The following ARHGAP35 variants were observed in gnomAD, a reference collection of about 807,000 sequenced individuals.
ARHGAP35 encodes rho GTPase-activating protein 35.
ARHGAP35 carries 15 observed loss-of-function variants against 111.1 expected under a neutral mutation model. The ratio of observed to expected loss-of-function variants is 0.13; its 90% CI spans 0.09 to 0.21. The LOEUF is 0.21. Ranked by LOEUF, ARHGAP35 falls within the 10% of genes least tolerant of loss-of-function variation. ARHGAP35 has a pLI of 1.00. For missense variants in ARHGAP35, 1,262 were observed against 1,873.0 expected (o/e 0.67, Z 6.02); for synonymous variants, 643 against 710.3 (o/e 0.91, Z 1.51).
rs1468479911 is a variant in ARHGAP35, at chr19:46,919,709, C to T, written c.1034C>T (p.Pro345Leu). The change falls in exon 2 of 7, where the codon CCA (proline) becomes CTA (leucine). Residue 345 changes from proline to leucine, a missense_variant. By Grantham distance (98) the Pro-to-Leu change is moderately conservative. Around this residue, in one of 8 missense-constraint regions of ARHGAP35, gnomAD observed 328 missense variants for 440.8 expected, o/e 0.74. Coordinates refer to ENST00000672722, the MANE Select transcript of ARHGAP35 (RefSeq NM_004491.5). This position sits in a 1 kb window ranked among gnomAD's most constrained non-coding sequence, Gnocchi z 6.2. ...AGAAAGCTGTACCTGGCAGCCCTGC[C>T]ATTAGCTTTTGAAGCTCTTATACCT... ...RRRKLYLAAL[P>L]LAFEALIPNL... The T allele has an allele frequency of 5.0e-6, 8 of 1,613,910 alleles. No individual in the cohort carries two copies. In the African/African-American group the frequency reaches 1.1e-4, roughly 22 times the overall value.
chr19:46,932,701 T>C (rs1440805713), intron 2 of ARHGAP35, among the ~76,000 whole-genome samples: 2 of 152,200 alleles, frequency 1.3e-5, no homozygotes, highest in African/African-American at 4.8e-5. Flanking sequence ...CTAGAGAGCC[T>C]TCAGTTATCT....
Position 47,000,626 on chromosome 19 carries a change from AC to A in ARHGAP35, c.4444del (p.Gln1482SerfsTer317). The A allele has an allele frequency of 1.3e-6, 2 of 1,534,364 alleles. No homozygotes were observed. The highest frequency in any genetic ancestry group is 1.2e-5 in the South Asian group (1 of 86,260). ...GTCGCCCCCACAGTCGCCTCCACCC[AC>A]CCCCCAGTCCCCAATGCAGCCACTG... ...QPSPPQSPPP[T>X]PQSPMQPLLP... On this transcript the variant is annotated frameshift_variant, in exon 7 of 7. Coordinates refer to ENST00000672722, the MANE Select transcript of ARHGAP35 (RefSeq NM_004491.5). LOFTEE classifies it high-confidence loss of function. This position sits in a 1 kb window ranked among gnomAD's most constrained non-coding sequence, Gnocchi z 6.9.
intron 3 of ARHGAP35, among the ~76,000 whole-genome samples, chr19:46,979,805 A>T (rs3915988): frequency 2.6e-5 from 4 of 152,120 alleles, no homozygotes; most frequent in African/African-American, 9.7e-5. Flanking sequence ...ATGGGGGGAA[A>T]GTCTGGCACA....
At chr19:46,978,702 G>GCTGT (rs1568485620) in intron 3 of ARHGAP35, among the ~76,000 whole-genome samples, 1 of 135,970 alleles carries the variant, frequency 7.4e-6, no homozygotes, top group Non-Finnish European at 1.6e-5. Flanking sequence ...TGTGTGGTGG[G>GCTGT]GCATGTGTGT....
At chr19:46,861,348 C>T (rs2055825502) in intron 1 of ARHGAP35, among the ~76,000 whole-genome samples, 139 bp downstream of exon 1, 2 of 149,762 alleles carry the variant, frequency 1.3e-5, no homozygotes, top group South Asian at 2.1e-4. Context: ...GAGCGGCCCC[C>T]CCCCCAGCCC....
chr19:46,903,309 C>T (rs983550119), intron 1 of ARHGAP35, among the ~76,000 whole-genome samples: 1 of 152,136 alleles, frequency 6.6e-6, no homozygotes, highest in East Asian at 1.9e-4. Context: ...GAGTCAGAGT[C>T]GGTCTGCTGA....
chr19:46,918,744 G>T lies in ARHGAP35; in HGVS notation c.69G>T (p.Gly23=). The T allele has an allele frequency of 6.2e-7, 1 of 1,613,998 alleles. No individual in the cohort carries two copies. The highest frequency in any genetic ancestry group is 8.5e-7 in the Non-Finnish European group (1 of 1,179,892). Residue 23 remains glycine, a synonymous_variant, in exon 2 of 7, where the codon GGG becomes GGT. Coordinates refer to ENST00000672722, the MANE Select transcript of ARHGAP35 (RefSeq NM_004491.5). The surrounding 1 kb of genome is among the most constrained non-coding windows in gnomAD (Gnocchi z 5.4). The part of the protein sequence containing the change: ...TYNISVVGLS[G]TEKEKGQCGI... ...ACATCAGTGTGGTGGGATTATCTGG[G>T]ACCGAGAAGGAAAAGGGCCAGTGTG...
intron 1 of ARHGAP35, among the ~76,000 whole-genome samples, chr19:46,891,782 T>C (rs1435881158): frequency 6.6e-6 from 1 of 152,120 alleles, no homozygotes; most frequent in Non-Finnish European, 1.5e-5. Flanking sequence ...CATTCTATTT[T>C]CTGGGAGAAA....
intron 2 of ARHGAP35, among the ~76,000 whole-genome samples, chr19:46,924,356 G>A (rs2056226543): frequency 6.6e-6 from 1 of 152,166 alleles, no homozygotes; most frequent in African/African-American, 2.4e-5. Flanking sequence ...CATCCACTTT[G>A]TGCTACATCC....
chr19:46,898,240 C>CA (rs745892205), intron 1 of ARHGAP35, among the ~76,000 whole-genome samples: 2,280 of 65,938 alleles, frequency 0.035, 31 homozygotes, highest in Middle Eastern at 0.098. Flanking sequence ...GACTCCGTCT[C>CA]AAAAAAAAAA....
chr19:46,879,191 T>G (rs991057339), intron 1 of ARHGAP35, among the ~76,000 whole-genome samples: 2 of 152,174 alleles, frequency 1.3e-5, no homozygotes, highest in Non-Finnish European at 2.9e-5. Context: ...GCACGGTGGC[T>G]TAACGCCAGT....
chr19:46,978,566 G>GT (rs2056592778), intron 3 of ARHGAP35, among the ~76,000 whole-genome samples: 1 of 144,962 alleles, frequency 6.9e-6, no homozygotes, highest in Admixed American at 6.9e-5. Context: ...GTGTGTGTGT[G>GT]GTGGGATGTG....
Position 46,901,473 on chromosome 19 carries a change from A to G in ARHGAP35, c.-188-17015A>G, listed in dbSNP as rs941573090. ...CTTGGAAGGCTGGAGCAGGAGAATC[A>G]CTTGAACCCGGGAGGCAGAGGTTGC... On this transcript the variant is annotated intron_variant, in intron 1 of 6. Coordinates refer to ENST00000672722, the MANE Select transcript of ARHGAP35 (RefSeq NM_004491.5). This position sits in a 1 kb window ranked among gnomAD's most constrained non-coding sequence, Gnocchi z 4.5. Among the ~76,000 whole-genome samples the G allele has an allele frequency of 2.6e-5, 4 of 152,090 alleles. No homozygotes were observed. The highest frequency in any genetic ancestry group is 9.7e-5 in the African/African-American group (4 of 41,414).
chr19:46,864,619 A>G (rs1177144992), intron 1 of ARHGAP35, among the ~76,000 whole-genome samples: 1 of 152,270 alleles, frequency 6.6e-6, no homozygotes, highest in Non-Finnish European at 1.5e-5. Flanking sequence ...GGGCATTTGT[A>G]TATGAGACAG....
At chr19:46,942,918 CTA>C (rs1246738943) in intron 3 of ARHGAP35, among the ~76,000 whole-genome samples, 1 of 150,966 alleles carries the variant, frequency 6.6e-6, no homozygotes, top group Non-Finnish European at 1.5e-5. Context: ...TGACGTAAAA[CTA>C]TATGTTATAG....
chr19:46,874,259 G>A (rs1366828832), intron 1 of ARHGAP35, among the ~76,000 whole-genome samples: 5 of 152,112 alleles, frequency 3.3e-5, no homozygotes, highest in South Asian at 4.1e-4. Flanking sequence ...TTTTTATGCC[G>A]TTTATAAAAC....
In ARHGAP35 at chr19:46,861,109, T is replaced by G. The variant is rs2055823613; in HGVS notation, c.-289T>G. Among the ~76,000 whole-genome samples, 1 of 148,850 alleles carries G rather than the reference T, an allele frequency of 6.7e-6. No individual in the cohort carries two copies. The highest frequency in any genetic ancestry group is 2.0e-4 in the East Asian group (1 of 4,894). On this transcript the variant is annotated 5_prime_UTR_variant, in exon 1 of 7. Transcript: ENST00000672722. ...CGCCGCCGGAGCCGCCGCCGCCGCC[T>G]CAGCCGCCGCTGGACTAGGAGCAGG...
At chr19:46,998,110 A>G (rs1406226186) in intron 5 of ARHGAP35, among the ~76,000 whole-genome samples, 1 of 152,086 alleles carries the variant, frequency 6.6e-6, no homozygotes, top group Admixed American at 6.5e-5. Context: ...TCAAAAAAAA[A>G]AAGAAAAAAG....
At position 46,861,057 on chromosome 19, in the gene ARHGAP35, C is replaced by A. The variant is rs1445923813; in HGVS notation, c.-341C>A. ...AGGTGGAGGAGGCGGAGGAGGGAACCCGCGAGGGAGGGTCCGCCCGGCCCC... is the reference window on the plus strand; with the variant it reads ...AGGTGGAGGAGGCGGAGGAGGGAACACGCGAGGGAGGGTCCGCCCGGCCCC... On this transcript the variant is annotated 5_prime_UTR_variant, in exon 1 of 7. Transcript: ENST00000672722. Among the ~76,000 whole-genome samples the A allele has an allele frequency of 6.6e-6, 1 of 151,264 alleles. No individual in the cohort carries two copies. Among genetic ancestry groups the A allele is most frequent in the Non-Finnish European group, 1.5e-5 (1 of 67,564 alleles).
Sources: gnomAD v4.1 joint callset for allele counts (sites outside exome capture counted in the v4.1 genomes callset) on GRCh38, gnomAD v4.1.1 for gene constraint, gnomAD v4.1.1 regional missense constraint, Gnocchi (gnomAD v3.1) non-coding constraint, MANE v1.5 for transcripts, NCBI Gene and HGNC (gene_info 2026-07-23, HGNC 2026-07-21) for gene names.